Variants in SAMMSON observed in about 807,000 individuals in gnomAD.
SAMMSON encodes long intergenic non-protein coding RNA 1212.
intron 7 of SAMMSON, among the ~76,000 whole-genome samples, chr3:70,309,633 C>CT: frequency 6.6e-6 from 1 of 152,200 alleles, no homozygotes; most frequent in East Asian, 1.9e-4. Flanking sequence ...TACTGCACCA[C>CT]TTTGACTTTT....
At chr3:70,388,406 A>G (rs1044995636) in intron 9 of SAMMSON, among the ~76,000 whole-genome samples, 14 of 152,146 alleles carry the variant, frequency 9.2e-5, no homozygotes, top group African/African-American at 3.4e-4. Context: ...TTCTCTAAAA[A>G]AAACAGTTGT....
chr3:70,288,334 A>G (rs1301283393), intron 6 of SAMMSON, among the ~76,000 whole-genome samples: 2 of 119,674 alleles, frequency 1.7e-5, no homozygotes, highest in Non-Finnish European at 3.4e-5. Context: ...GTCATTCAGG[A>G]GCAGGTTGTT....
intron 4 of SAMMSON, among the ~76,000 whole-genome samples, chr3:70,242,799 A>C (rs1701675241): frequency 6.6e-6 from 1 of 152,164 alleles, no homozygotes; most frequent in African/African-American, 2.4e-5. Context: ...AGTTTACACA[A>C]GCATTGGTAA....
chr3:70,293,599 A>G (rs891444635), intron 7 of SAMMSON, among the ~76,000 whole-genome samples: 2 of 152,134 alleles, frequency 1.3e-5, no homozygotes, highest in Non-Finnish European at 2.9e-5. Flanking sequence ...CCACAGTGAT[A>G]TAAGATGGTG....
intron 6 of SAMMSON, among the ~76,000 whole-genome samples, chr3:70,283,147 G>A (rs985825901): frequency 6.6e-6 from 1 of 152,154 alleles, no homozygotes; most frequent in East Asian, 1.9e-4. Flanking sequence ...ATCAACAGTA[G>A]CACTAGGTGG....
chr3:70,377,504 A>G (rs1703027761), intron 9 of SAMMSON, among the ~76,000 whole-genome samples: 1 of 152,130 alleles, frequency 6.6e-6, no homozygotes, highest in African/African-American at 2.4e-5. Context: ...CCAGATGGGT[A>G]AAAGATTAAA....
intron 4 of SAMMSON, among the ~76,000 whole-genome samples, chr3:70,188,724 C>G (rs542994591): frequency 1.3e-5 from 2 of 152,298 alleles, no homozygotes; most frequent in South Asian, 4.1e-4. Context: ...GCTGAATCAT[C>G]TCTTTTACTC....
At chr3:70,164,524 A>G (rs2067628910) in intron 4 of SAMMSON, among the ~76,000 whole-genome samples, 1 of 152,058 alleles carries the variant, frequency 6.6e-6, no homozygotes, top group Admixed American at 6.6e-5. Context: ...TGGTTAGATC[A>G]TTTGAAGACC....
intron 2 of SAMMSON, among the ~76,000 whole-genome samples, chr3:70,430,998 T>C (rs1701408747): frequency 6.6e-6 from 1 of 152,100 alleles, no homozygotes. Flanking sequence ...TGGTTGGATA[T>C]GGAGAGATGA....
chr3:70,392,492 T>C (rs1026915179), downstream of SAMMSON, among the ~76,000 whole-genome samples: 1 of 152,148 alleles, frequency 6.6e-6, no homozygotes, highest in Admixed American at 6.5e-5. Flanking sequence ...GCCTCGTAGT[T>C]GATTGCTCTG....
intron 4 of SAMMSON, among the ~76,000 whole-genome samples, chr3:70,167,755 C>A (rs541694254): frequency 1.3e-5 from 2 of 151,914 alleles, no homozygotes; most frequent in African/African-American, 4.8e-5. Context: ...TGCATTATGA[C>A]ACCCTAGCTG....
intron 9 of SAMMSON, among the ~76,000 whole-genome samples, chr3:70,362,502 C>T (rs987859937): frequency 6.6e-6 from 1 of 151,838 alleles, no homozygotes; most frequent in Non-Finnish European, 1.5e-5. Context: ...AGCCTTTTCT[C>T]TTGAGAAGCA....
intron 7 of SAMMSON, among the ~76,000 whole-genome samples, chr3:70,347,170 A>T (rs191379368): frequency 6.6e-6 from 1 of 152,254 alleles, no homozygotes; most frequent in African/African-American, 2.4e-5. Flanking sequence ...GCAAGTAAAT[A>T]CATCATCAGG....
chr3:70,289,114 G>A (rs1702199360), intron 6 of SAMMSON, among the ~76,000 whole-genome samples: 1 of 151,364 alleles, frequency 6.6e-6, no homozygotes, highest in East Asian at 2.0e-4. Context: ...GATGTTAGCT[G>A]GTGATTTTGC....
chr3:70,314,079 TTC>T (rs1459901943), intron 7 of SAMMSON, among the ~76,000 whole-genome samples: 1 of 152,162 alleles, frequency 6.6e-6, no homozygotes, highest in Admixed American at 6.5e-5. Flanking sequence ...GATCTTACCC[TTC>T]TCTGATCTTA....
intron 6 of SAMMSON, among the ~76,000 whole-genome samples, chr3:70,277,678 C>T (rs915864217): frequency 6.6e-6 from 1 of 152,132 alleles, no homozygotes; most frequent in African/African-American, 2.4e-5. Flanking sequence ...GGGAGGATCT[C>T]ACCACCTCCC....
chr3:70,245,240 A>G (rs1278492094), intron 4 of SAMMSON, among the ~76,000 whole-genome samples: 1 of 152,132 alleles, frequency 6.6e-6, no homozygotes, highest in African/African-American at 2.4e-5. Context: ...AATTATTTCA[A>G]AAGAAGATGA....
chr3:70,092,915 T>TG (rs2067310160), intron 4 of SAMMSON, among the ~76,000 whole-genome samples: 1 of 145,874 alleles, frequency 6.9e-6, no homozygotes, highest in Admixed American at 6.9e-5. Context: ...TTTTTTTTTT[T>TG]GTTTTTTTTT....
At chr3:70,049,872 C>T (rs2067139932) in intron 3 of SAMMSON, among the ~76,000 whole-genome samples, 1 of 151,998 alleles carries the variant, frequency 6.6e-6, no homozygotes, top group African/African-American at 2.4e-5. Flanking sequence ...GGAAAGAGCA[C>T]AGTTTGTTTT....
Sources: allele counts gnomAD v4.1 joint callset (sites outside exome capture counted in the v4.1 genomes callset), GRCh38; gene constraint gnomAD v4.1.1; transcripts MANE v1.5; gene names NCBI Gene and HGNC (gene_info 2026-07-23, HGNC 2026-07-21).